TNNI3K: variants seen among roughly 807,000 people sequenced by gnomAD.
The protein encoded by TNNI3K is TNNI3 interacting kinase, also known as serine/threonine-protein kinase TNNI3K.
Under a neutral mutation model 114.5 loss-of-function variants are expected in TNNI3K, and 140 were observed. That is an observed-to-expected ratio of 1.22 (90% CI 1.07 to 1.41). The LOEUF is 1.41. Among genes scored for constraint, TNNI3K ranks in the 40% most tolerant of loss-of-function variants. TNNI3K has a pLI of 0.00. For synonymous variants in TNNI3K, 347 were observed against 347.5 expected, an observed-to-expected ratio of 1.00 and a Z score of 0.02; for missense variants, 1,125 against 1,007.6, an observed-to-expected ratio of 1.12 and a Z score of -1.58.
At chr1:74,422,466 A>C (rs1665446155) in intron 17 of TNNI3K, among the ~76,000 whole-genome samples, 1 of 152,100 alleles carries the variant, frequency 6.6e-6, no homozygotes, top group Non-Finnish European at 1.5e-5. Context: ...TGTGAAGCTC[A>C]GTCAATTAAT....
At chr1:74,375,668 A>T (rs1173438216) in intron 17 of TNNI3K, 1 of 453,548 alleles carries the variant, frequency 2.2e-6, no homozygotes, top group Non-Finnish European at 4.4e-6. Flanking sequence ...GACAACTTTG[A>T]CACCCTATGA....
chr1:74,464,605 G>T, intron 21 of TNNI3K: 1 of 1,543,188 alleles, frequency 6.5e-7, no homozygotes, highest in Non-Finnish European at 8.7e-7. Flanking sequence ...TTTGAAAAGA[G>T]AATGCAAATT....
intron 23 of TNNI3K, among the ~76,000 whole-genome samples, chr1:74,503,905 T>G (rs1272542176): frequency 6.6e-6 from 1 of 152,204 alleles, no homozygotes; most frequent in Non-Finnish European, 1.5e-5. Context: ...GTGTTTGGTA[T>G]ACCTCATTAT....
Position 74,455,729 on chromosome 1 carries a change from A to G in TNNI3K, c.2012-7712A>G, listed in dbSNP as rs1012669844. Among the ~76,000 whole-genome samples, 3 of 152,264 alleles carry G rather than the reference A, an allele frequency of 2.0e-5. No individual in the cohort carries two copies. In the East Asian group the frequency reaches 5.8e-4, roughly 29 times the overall value. Reference sequence around the variant, plus strand: ...GATATCTGAGGTCAGGAGAAGGTGCATGTCACAGCCCCAGAAAAGAGAGCT... The same window carrying G: ...GATATCTGAGGTCAGGAGAAGGTGCGTGTCACAGCCCCAGAAAAGAGAGCT... On this transcript the variant is annotated intron_variant, in intron 20 of 24. Transcript: ENST00000326637.
chr1:74,455,926 G>C (rs1480262692), intron 20 of TNNI3K, among the ~76,000 whole-genome samples: 3 of 152,138 alleles, frequency 2.0e-5, no homozygotes, highest in Non-Finnish European at 4.4e-5. Flanking sequence ...CAGCTATCTG[G>C]GTATCCCTTA....
chr1:74,415,165 G>T (rs1166148360), intron 17 of TNNI3K, among the ~76,000 whole-genome samples: 1 of 152,078 alleles, frequency 6.6e-6, no homozygotes, highest in Non-Finnish European at 1.5e-5. Context: ...CCCTCAGGTT[G>T]AAACAGTTTT....
chr1:74,243,675 G>C (rs766648815), intron 2 of TNNI3K, among the ~76,000 whole-genome samples: 1 of 152,102 alleles, frequency 6.6e-6, no homozygotes, highest in African/African-American at 2.4e-5. Flanking sequence ...CACTTTTCTA[G>C]GTCAAAGGTA....
intron 20 of TNNI3K, among the ~76,000 whole-genome samples, chr1:74,449,846 C>T (rs1184093583): frequency 0.012 from 1,798 of 148,704 alleles, 39 homozygotes; most frequent in African/African-American, 0.042. Flanking sequence ...GATAGATCAA[C>T]GAGACAGAAA....
At chr1:74,356,418 A>T (rs547951164) in intron 11 of TNNI3K, among the ~76,000 whole-genome samples, 1 of 152,308 alleles carries the variant, frequency 6.6e-6, no homozygotes, top group African/African-American at 2.4e-5. Flanking sequence ...TTGTATTAAA[A>T]AATCTAGGTA....
intron 18 of TNNI3K, 47 bp from the exon 19 acceptor site, chr1:74,436,427 G>A (rs368856542): frequency 1.2e-5 from 19 of 1,540,528 alleles, no homozygotes; most frequent in Non-Finnish European, 1.6e-5. Context: ...TTTTACCTTG[G>A]TTTTAAGATA....
Position 74,543,073 on chromosome 1 carries a change from T to C in TNNI3K, c.2432-833T>C, listed in dbSNP as rs1236034265. 2.7e-4 allele frequency among the ~76,000 whole-genome samples: 34 copies of C among 124,550 alleles called. 4 individuals are homozygous for C. The highest frequency in any genetic ancestry group is 9.4e-4 in the African/African-American group (31 of 32,970). 81.7% of individuals were successfully genotyped at this position (124,550 alleles called of 152,430 possible). A position where few individuals can be genotyped will look rare whatever the true frequency, so the allele number is the denominator to read the frequency against. On this transcript the variant is annotated intron_variant, in intron 24 of 24. Coordinates refer to ENST00000326637, the MANE Select transcript of TNNI3K (RefSeq NM_015978.3). ...TTCTTTTTCTTTTTCCCTTTTTTTT[T>C]TTTTTTTTTTTTTTTTTTTTGAGAT...
rs1007039876 is a variant in TNNI3K, at chr1:74,250,766, C to G, written c.330C>G (p.Tyr110Ter). The change falls in exon 4 of 25, where the codon TAC becomes TAG. Residue 110 changes from tyrosine to a stop codon, truncating the protein, a stop_gained. Coordinates refer to ENST00000326637, the MANE Select transcript of TNNI3K (RefSeq NM_015978.3). LOFTEE classifies it high-confidence loss of function. ...TTACAGCCTTGCATTTAGCAGTTTACAAGGTAGGACACTTTAATTCCCATA... is the reference window on the plus strand; with the variant it reads ...TTACAGCCTTGCATTTAGCAGTTTAGAAGGTAGGACACTTTAATTCCCATA... ...NGFTALHLAV[Y>*]KDNAELITSL... 2.5e-6 allele frequency: 4 copies of G among 1,597,258 alleles called. No homozygotes were observed. In the African/African-American group the frequency reaches 5.4e-5, roughly 22 times the overall value.
intron 17 of TNNI3K, among the ~76,000 whole-genome samples, chr1:74,413,061 A>G (rs1367859277): frequency 6.6e-6 from 1 of 152,216 alleles, no homozygotes; most frequent in East Asian, 1.9e-4. Flanking sequence ...ATGTCAGGTT[A>G]ACAATGCCAC....
At chr1:74,519,407 A>G (rs942311454) in intron 23 of TNNI3K, among the ~76,000 whole-genome samples, 6 of 123,572 alleles carry the variant, frequency 4.9e-5, no homozygotes, top group Non-Finnish European at 9.4e-5. Context: ...CAGTAATGGG[A>G]TGGCTGGGTC....
chr1:74,422,417 C>T (rs1273863820), intron 17 of TNNI3K, among the ~76,000 whole-genome samples: 2 of 152,028 alleles, frequency 1.3e-5, no homozygotes, highest in South Asian at 2.1e-4. Context: ...TATTTAATTT[C>T]ATCTTTATTA....
intron 20 of TNNI3K, among the ~76,000 whole-genome samples, chr1:74,462,804 C>T (rs775862148): frequency 1.3e-5 from 2 of 152,004 alleles, no homozygotes; most frequent in Admixed American, 6.6e-5. Flanking sequence ...TTGAGATGAG[C>T]GATATTCAGA....
intron 21 of TNNI3K, among the ~76,000 whole-genome samples, chr1:74,465,295 G>A (rs528172994): frequency 6.6e-6 from 1 of 152,350 alleles, no homozygotes; most frequent in African/African-American, 2.4e-5. Flanking sequence ...GGCGCAGGAG[G>A]TAACCAGCTG....
chr1:74,321,134 A>G (rs1193236806), intron 5 of TNNI3K, among the ~76,000 whole-genome samples: 1 of 152,210 alleles, frequency 6.6e-6, no homozygotes, highest in Non-Finnish European at 1.5e-5. Flanking sequence ...TGGTCATAGC[A>G]TCATGAACAT....
At chr1:74,371,631 T>G (rs1024801656) in intron 17 of TNNI3K, 1 of 151,796 alleles carries the variant, frequency 6.6e-6, no homozygotes, top group Non-Finnish European at 1.5e-5. Flanking sequence ...TTCATTTTAG[T>G]ATACAAAGTG....
Sources: allele counts gnomAD v4.1 joint callset (sites outside exome capture counted in the v4.1 genomes callset), GRCh38; gene constraint gnomAD v4.1.1; transcripts MANE v1.5; gene names NCBI Gene and HGNC (gene_info 2026-07-23, HGNC 2026-07-21).